The following EDA variants were observed in gnomAD, a reference collection of about 807,000 sequenced individuals.
The protein encoded by EDA is ectodysplasin-A.
EDA carries 2 observed loss-of-function variants against 23.6 expected under a neutral mutation model. The observed-to-expected ratio is 0.08, with a 90% CI of 0.03 to 0.27. The LOEUF (loss-of-function observed/expected upper bound fraction) is 0.27. Among genes scored for constraint, EDA ranks in the 10% least tolerant of loss-of-function variants. The pLI is 1.00. For missense variants in EDA, 229 were observed against 324.2 expected (o/e 0.71, Z 2.26); for synonymous variants, 131 against 132.0 (o/e 0.99, Z 0.05).
intron 2 of EDA, among the ~76,000 whole-genome samples, chrX:69,996,275 T>A (rs1316124213): frequency 8.9e-6 from 1 of 112,132 alleles, no homozygotes; most frequent in Admixed American, 9.4e-5. Context: ...TCCTGTACTC[T>A]CTGACATCCT....
At chrX:69,949,118 T>C (rs1268179423) in intron 1 of EDA, among the ~76,000 whole-genome samples, 2 of 111,807 alleles carry the variant, frequency 1.8e-5, no homozygotes, top group Non-Finnish European at 3.8e-5. Flanking sequence ...ATAGATTTTA[T>C]ATTCAACAAC....
At chrX:69,920,321 T>C (rs1238764283) in intron 1 of EDA, among the ~76,000 whole-genome samples, 3 of 111,290 alleles carry the variant, frequency 2.7e-5, no homozygotes, top group Admixed American at 9.6e-5. Flanking sequence ...TACATTAGTA[T>C]GGTACATTTG....
chrX:70,028,017 T>C lies in EDA; in HGVS notation c.687T>C (p.Pro229=), dbSNP rs1424684940. Residue 229 remains proline (P), a synonymous_variant, in exon 4 of 8, where the codon CCT becomes CCC. Coordinates refer to ENST00000374552, the MANE Select transcript of EDA (RefSeq NM_001399.5). ...PPGPPGPQGP[P]GLQGPSGAAD... ...GTCCTCCTGGTCCTCAAGGACCCCC[T>C]GGCCTCCAGGGACCTTCTGGTGAGT... 1 of 1,186,795 alleles carries C rather than the reference T, an allele frequency of 8.4e-7. No homozygotes were observed. Among genetic ancestry groups the C allele is most frequent in the Non-Finnish European group, 1.1e-6 (1 of 885,643 alleles).
At chrX:69,875,885 A>C (rs764704087) in intron 1 of EDA, among the ~76,000 whole-genome samples, 1 of 112,380 alleles carries the variant, frequency 8.9e-6, no homozygotes, top group Non-Finnish European at 1.9e-5. Flanking sequence ...AAACATATGA[A>C]AAATGCTCAA....
chrX:69,990,595 G>T (rs1281559183), intron 2 of EDA, among the ~76,000 whole-genome samples: 1 of 110,970 alleles, frequency 9.0e-6, no homozygotes, highest in Non-Finnish European at 1.9e-5. Flanking sequence ...CTCGGCTTTT[G>T]TTGGTTGTTT....
At chrX:69,629,339 A>G (rs745633729) in intron 1 of EDA, among the ~76,000 whole-genome samples, 42 of 111,739 alleles carry the variant, frequency 3.8e-4, no homozygotes, top group Middle Eastern at 4.6e-3. Flanking sequence ...TTCCTTGCCC[A>G]TCTATCCATC....
chrX:69,864,011 CTAA>C (rs1266532704), intron 1 of EDA, among the ~76,000 whole-genome samples: 1 of 111,325 alleles, frequency 9.0e-6, no homozygotes. Context: ...TTTTTACATA[CTAA>C]TGTTAGAAGT....
At chrX:69,740,713 T>C (rs1442741697) in intron 1 of EDA, among the ~76,000 whole-genome samples, 1 of 111,006 alleles carries the variant, frequency 9.0e-6, no homozygotes, top group Non-Finnish European at 1.9e-5. Context: ...TTTTTAACAT[T>C]ATTTTTTCTA....
At chrX:69,928,416 A>T (rs1602541210) in intron 1 of EDA, among the ~76,000 whole-genome samples, 1 of 111,774 alleles carries the variant, frequency 8.9e-6, no homozygotes, top group Non-Finnish European at 1.9e-5. Context: ...GTCAGTGTTT[A>T]TTGAAGGAAT....
At chrX:69,796,512 C>T (rs1019628864) in intron 1 of EDA, among the ~76,000 whole-genome samples, 1 of 112,195 alleles carries the variant, frequency 8.9e-6, no homozygotes, top group African/African-American at 3.2e-5. Flanking sequence ...CTGCTGCACA[C>T]GCCCAGAATC....
intron 1 of EDA, among the ~76,000 whole-genome samples, chrX:69,696,180 A>T (rs984926534): frequency 1.8e-5 from 2 of 109,838 alleles, no homozygotes; most frequent in African/African-American, 3.3e-5. Flanking sequence ...CAGAGGTTTC[A>T]GTGAGTGAAG....
chrX:69,701,861 G>T (rs2011542314), intron 1 of EDA, among the ~76,000 whole-genome samples: 1 of 111,496 alleles, frequency 9.0e-6, no homozygotes, highest in Non-Finnish European at 1.9e-5. Flanking sequence ...GCTTCATCTT[G>T]ATAATCCCAG....
At chrX:69,781,909 C>T (rs907300322) in intron 1 of EDA, among the ~76,000 whole-genome samples, 1 of 110,047 alleles carries the variant, frequency 9.1e-6, no homozygotes, top group African/African-American at 3.3e-5. Flanking sequence ...CATGATGCTC[C>T]AGAACATGTA....
chrX:70,022,956 C>G (rs1393534314), intron 2 of EDA: 2 of 243,093 alleles, frequency 8.2e-6, no homozygotes, highest in Admixed American at 1.2e-4. Flanking sequence ...TGGGGAAGTA[C>G]CCATTCCCTC....
At chrX:69,915,332 G>A (rs183090175) in intron 1 of EDA, among the ~76,000 whole-genome samples, 86 of 111,612 alleles carry the variant, frequency 7.7e-4, no homozygotes, top group African/African-American at 2.6e-3. Context: ...GACCAGGCGC[G>A]GTGGCTCATG....
At chrX:69,703,565 G>A (rs969922321) in intron 1 of EDA, among the ~76,000 whole-genome samples, 6 of 112,551 alleles carry the variant, frequency 5.3e-5, no homozygotes, top group African/African-American at 1.6e-4. Context: ...CTAAAATGGC[G>A]TCAGCACCAA....
chrX:69,681,868 A>C (rs1222011522), intron 1 of EDA, among the ~76,000 whole-genome samples: 1 of 111,621 alleles, frequency 9.0e-6, no homozygotes, highest in African/African-American at 3.3e-5. Context: ...CTGGTGAGGA[A>C]CTGTGTTCCT....
At chrX:69,760,121 A>G (rs1389216929) in intron 1 of EDA, among the ~76,000 whole-genome samples, 3 of 104,920 alleles carry the variant, frequency 2.9e-5, no homozygotes, top group Non-Finnish European at 5.8e-5. Flanking sequence ...TATGGTTGGA[A>G]CAATCCAGTA....
chrX:69,659,649 CAATTTTACAGTA>C (rs1933423753), intron 1 of EDA, among the ~76,000 whole-genome samples: 2 of 111,953 alleles, frequency 1.8e-5, no homozygotes, highest in South Asian at 3.7e-4. Flanking sequence ...AAATGCAACC[CAATTTTACAGTA>C]AATTTTACCA....
Sources: allele counts gnomAD v4.1 joint callset (sites outside exome capture counted in the v4.1 genomes callset), GRCh38; gene constraint gnomAD v4.1.1; transcripts MANE v1.5; gene names NCBI Gene and HGNC (gene_info 2026-07-23, HGNC 2026-07-21).